Variants in OXR1 observed in about 807,000 individuals in gnomAD.
OXR1 encodes oxidation resistance 1.
Under a neutral mutation model 104.6 loss-of-function variants are expected in OXR1, and 41 were observed. The ratio of observed to expected loss-of-function variants is 0.39; its 90% confidence interval spans 0.31 to 0.51. OXR1 has a LOEUF of 0.51. OXR1 is among the 20% of genes least tolerant of loss of function. The probability of loss-of-function intolerance (pLI) is 0.77; values close to 1 mark genes in which losing one functional copy is unlikely to be tolerated. For synonymous variants in OXR1, 348 were observed against 348.4 expected, an observed-to-expected ratio of 1.00 and a Z score of 0.01; for missense variants, 955 against 1,031.9, an observed-to-expected ratio of 0.93 and a Z score of 1.02.
chr8:106,590,348 C>T (rs1818981648), intron 3 of OXR1, among the ~76,000 whole-genome samples: 1 of 152,210 alleles, frequency 6.6e-6, no homozygotes, highest in Non-Finnish European at 1.5e-5. Context: ...AATGCACTGG[C>T]ACGATCTTGG....
intron 1 of OXR1, among the ~76,000 whole-genome samples, chr8:106,292,531 A>G (rs1181555977): frequency 6.6e-6 from 1 of 152,172 alleles, no homozygotes; most frequent in Non-Finnish European, 1.5e-5. Context: ...ATTGATGGCA[A>G]TTGGGTTTGG....
chr8:106,477,480 CT>C (rs1437837240), intron 2 of OXR1, among the ~76,000 whole-genome samples: 1 of 151,934 alleles, frequency 6.6e-6, no homozygotes, highest in Non-Finnish European at 1.5e-5. Context: ...TTTCTCTAGA[CT>C]TTGAATGGCT....
chr8:106,349,003 C>G (rs1815612122), intron 1 of OXR1, among the ~76,000 whole-genome samples: 1 of 152,148 alleles, frequency 6.6e-6, no homozygotes, highest in African/African-American at 2.4e-5. Context: ...GGGTTAGAGA[C>G]AAGTTTGAAG....
chr8:106,580,869 G>C (rs1818176705), intron 3 of OXR1: 1 of 400,372 alleles, frequency 2.5e-6, no homozygotes. Context: ...ATATTATCCA[G>C]CCTTTCAAGT....
intron 2 of OXR1, among the ~76,000 whole-genome samples, chr8:106,510,119 G>A (rs578023785): frequency 6.6e-6 from 1 of 152,228 alleles, no homozygotes; most frequent in East Asian, 1.9e-4. Flanking sequence ...ATGTTATGTG[G>A]ATGCATTAAT....
At chr8:106,565,283 G>A (rs1186898566) in intron 3 of OXR1, among the ~76,000 whole-genome samples, 3 of 151,838 alleles carry the variant, frequency 2.0e-5, no homozygotes, top group Non-Finnish European at 4.4e-5. Flanking sequence ...GTGAGGTCTC[G>A]GGATATAAAA....
chr8:106,724,905 G>A lies in OXR1; in HGVS notation c.1956+10920G>A, dbSNP rs1157843884. ...ATTTAAACCTCATTTTGGAACACAC[G>A]TCATATTTGTTATTTTAGAAAATGT... On this transcript the variant is annotated intron_variant, in intron 11 of 16. Coordinates refer to ENST00000517566, the MANE Select transcript of OXR1 (RefSeq NM_001198533.2). Among the ~76,000 whole-genome samples, 8 of 152,202 alleles carry A rather than the reference G, an allele frequency of 5.3e-5. No individual in the cohort carries two copies. In the East Asian group the frequency reaches 1.4e-3, roughly 26 times the overall value.
At chr8:106,668,006 T>A (rs1275998034) in intron 3 of OXR1, among the ~76,000 whole-genome samples, 4 of 152,028 alleles carry the variant, frequency 2.6e-5, no homozygotes, top group African/African-American at 9.7e-5. Context: ...ATACTGTTAT[T>A]ACAATCTTGT....
chr8:106,495,265 G>A (rs146847937), intron 2 of OXR1, among the ~76,000 whole-genome samples: 30 of 151,908 alleles, frequency 2.0e-4, no homozygotes, highest in African/African-American at 6.8e-4. Context: ...TTAGTATTAC[G>A]GGCAAATACA....
chr8:106,750,960 T>C lies in OXR1; in HGVS notation c.*19T>C, dbSNP rs1448939089. ...TGAATAAATAAAATGCTCTCTGTCT[T>C]AGCAGGAGAATGGCCCAAACCTGAC... On this transcript the variant is annotated 3_prime_UTR_variant, in exon 17 of 17. Coordinates refer to ENST00000517566, the MANE Select transcript of OXR1 (RefSeq NM_001198533.2). 2 of 1,584,752 alleles carry C rather than the reference T, an allele frequency of 1.3e-6. No individual in the cohort carries two copies. Among genetic ancestry groups the C allele is most frequent in the South Asian group, 2.3e-5 (2 of 85,920 alleles).
chr8:106,467,635 T>C (rs1165427960), intron 2 of OXR1, among the ~76,000 whole-genome samples: 1 of 151,908 alleles, frequency 6.6e-6, no homozygotes, highest in Non-Finnish European at 1.5e-5. Flanking sequence ...GGTGACATTA[T>C]CTCATTAATC....
chr8:106,618,686 G>A (rs1057023196), intron 3 of OXR1, among the ~76,000 whole-genome samples: 1 of 152,184 alleles, frequency 6.6e-6, no homozygotes, highest in Non-Finnish European at 1.5e-5. Flanking sequence ...CAGTGATCAA[G>A]TCACATGCTC....
rs370175670 is a variant in OXR1, at chr8:106,453,326, T to C, written c.24-65617T>C. 9.8e-4 allele frequency among the ~76,000 whole-genome samples: 149 copies of C among 152,304 alleles called. 3 individuals carry two copies. Among genetic ancestry groups the C allele is most frequent in the Admixed American group, 4.6e-4 (7 of 15,298 alleles). On this transcript the variant is annotated intron_variant, in intron 2 of 16. Transcript: ENST00000517566. ...CCCTAAGTGTTGGGCTAACCAAAGGTAAAGTACATGGACCACTTTGAAAAT... is the reference window on the plus strand; with the variant it reads ...CCCTAAGTGTTGGGCTAACCAAAGGCAAAGTACATGGACCACTTTGAAAAT...
At chr8:106,333,694 A>G (rs1177315881) in intron 1 of OXR1, among the ~76,000 whole-genome samples, 1 of 152,018 alleles carries the variant, frequency 6.6e-6, no homozygotes, top group Non-Finnish European at 1.5e-5. Context: ...TTCTTTTTGC[A>G]TGTAGATAAT....
At chr8:106,514,956 T>C (rs1026319221) in intron 2 of OXR1, among the ~76,000 whole-genome samples, 1 of 152,148 alleles carries the variant, frequency 6.6e-6, no homozygotes, top group Non-Finnish European at 1.5e-5. Flanking sequence ...ATAACTTACT[T>C]TATATTGAAA....
intron 2 of OXR1, among the ~76,000 whole-genome samples, chr8:106,398,882 T>C (rs1192944956): frequency 6.6e-6 from 1 of 152,192 alleles, no homozygotes; most frequent in Non-Finnish European, 1.5e-5. Context: ...ACTGCTTCAC[T>C]CACTGAGTCT....
chr8:106,364,288 A>C (rs575613860), intron 2 of OXR1, among the ~76,000 whole-genome samples: 4 of 152,188 alleles, frequency 2.6e-5, no homozygotes, highest in African/African-American at 9.6e-5. Context: ...AAAAATAATG[A>C]TTTTTTTTAG....
intron 2 of OXR1, among the ~76,000 whole-genome samples, chr8:106,420,687 T>G (rs754807699): frequency 1.1e-4 from 17 of 151,766 alleles, no homozygotes; most frequent in Non-Finnish European, 2.1e-4. Flanking sequence ...TTTAGGAATG[T>G]TCTCAAGTCA....
chr8:106,483,560 A>G (rs1438995598), intron 2 of OXR1, among the ~76,000 whole-genome samples: 1 of 152,018 alleles, frequency 6.6e-6, no homozygotes, highest in East Asian at 1.9e-4. Context: ...CATCTGCACC[A>G]AGAAGTTTCC....
Sources: gnomAD v4.1 joint callset for allele counts (sites outside exome capture counted in the v4.1 genomes callset) on GRCh38, gnomAD v4.1.1 for gene constraint, MANE v1.5 for transcripts, NCBI Gene and HGNC (gene_info 2026-07-23, HGNC 2026-07-21) for gene names.